The following FLACC1 variants were observed in gnomAD, a reference collection of about 807,000 sequenced individuals.
The protein encoded by FLACC1 is flagellum associated containing coiled-coil domains 1, also known as flagellum-associated coiled-coil domain-containing protein 1.
Under a neutral mutation model 62.8 loss-of-function variants are expected in FLACC1, and 66 were observed. The ratio of observed to expected loss-of-function variants is 1.05; its 90% CI spans 0.86 to 1.29. The LOEUF is 1.29. Ranked by LOEUF, FLACC1 falls within the 50% of genes most tolerant of loss-of-function variation. The pLI is 0.00. For synonymous variants in FLACC1, 156 were observed against 161.0 expected, an observed-to-expected ratio of 0.97 and a Z score of 0.24; for missense variants, 452 against 489.1, an observed-to-expected ratio of 0.92 and a Z score of 0.71.
intron 9 of FLACC1, among the ~76,000 whole-genome samples, chr2:201,323,199 C>T (rs532981417): frequency 6.6e-5 from 10 of 152,210 alleles, no homozygotes; most frequent in South Asian, 2.1e-4. Flanking sequence ...ACCTTTCTGG[C>T]GTGGCTAGAG....
intron 12 of FLACC1, among the ~76,000 whole-genome samples, chr2:201,298,102 A>G (rs1399294959): frequency 2.0e-5 from 3 of 152,096 alleles, no homozygotes; most frequent in Admixed American, 6.5e-5. Flanking sequence ...AGCAGGTGGA[A>G]CAATCCCCAG....
At chr2:201,290,781 C>G (rs931404689) in intron 12 of FLACC1, among the ~76,000 whole-genome samples, 1 of 152,134 alleles carries the variant, frequency 6.6e-6, no homozygotes, top group African/African-American at 2.4e-5. Flanking sequence ...CTTTCCTAGC[C>G]AAGGAAAGGG....
upstream of FLACC1, among the ~76,000 whole-genome samples, chr2:201,361,385 CAGAT>C (rs1168654396): frequency 6.6e-6 from 1 of 152,224 alleles, no homozygotes; most frequent in Non-Finnish European, 1.5e-5. Flanking sequence ...CAAAACCTCT[CAGAT>C]AGCATGAATG....
At chr2:201,344,055 G>T in intron 6 of FLACC1, 115 bp downstream of exon 6, 2 of 836,324 alleles carry the variant, frequency 2.4e-6, no homozygotes, top group Admixed American at 2.4e-5. Context: ...CCTGTCACCT[G>T]GACAACATGG....
intron 1 of FLACC1, among the ~76,000 whole-genome samples, chr2:201,353,174 T>C (rs1456230228): frequency 6.6e-6 from 1 of 152,138 alleles, no homozygotes; most frequent in African/African-American, 2.4e-5. Flanking sequence ...GAAAATAAAA[T>C]GTGCAATTAC....
chr2:201,313,649 G>A (rs1342217896), intron 9 of FLACC1, among the ~76,000 whole-genome samples: 1 of 152,106 alleles, frequency 6.6e-6, no homozygotes, highest in Non-Finnish European at 1.5e-5. Context: ...AAGACAAAGG[G>A]CATATACTCT....
At chr2:201,289,063 A>G (rs189317914) in intron 14 of FLACC1, among the ~76,000 whole-genome samples, 1 of 152,362 alleles carries the variant, frequency 6.6e-6, no homozygotes, top group African/African-American at 2.4e-5. Flanking sequence ...AGGTAACAGT[A>G]CACCTTCTGA....
intron 12 of FLACC1, among the ~76,000 whole-genome samples, chr2:201,290,616 G>C (rs1350330414): frequency 6.6e-6 from 1 of 152,176 alleles, no homozygotes; most frequent in Non-Finnish European, 1.5e-5. Context: ...TGCAGAAGAC[G>C]TATGATTTCT....
chr2:201,317,066 T>C (rs1025424350), intron 9 of FLACC1, among the ~76,000 whole-genome samples: 1 of 152,172 alleles, frequency 6.6e-6, no homozygotes, highest in African/African-American at 2.4e-5. Context: ...ATAAAAGCCA[T>C]CTATGACAAA....
At chr2:201,347,877 C>T (rs1032439905) in intron 4 of FLACC1, among the ~76,000 whole-genome samples, 1 of 152,228 alleles carries the variant, frequency 6.6e-6, no homozygotes, top group African/African-American at 2.4e-5. Flanking sequence ...CCCCTGCTCC[C>T]CTGAGGGGTC....
chr2:201,322,034 T>C (rs1950412664), intron 9 of FLACC1, among the ~76,000 whole-genome samples: 2 of 152,114 alleles, frequency 1.3e-5, no homozygotes, highest in African/African-American at 4.8e-5. Context: ...TTTGGGAGGC[T>C]GAGGCGGGTG....
intron 12 of FLACC1, 196 bp from the exon 13 acceptor site, chr2:201,289,981 C>G: frequency 1.1e-6 from 1 of 883,156 alleles, no homozygotes; most frequent in Non-Finnish European, 1.7e-6. Flanking sequence ...CACCAGAGCT[C>G]ATATGAATGG....
intron 7 of FLACC1, 115 bp downstream of exon 7, chr2:201,342,255 T>G: frequency 9.7e-7 from 1 of 1,026,058 alleles, no homozygotes; most frequent in Non-Finnish European, 1.5e-6. Context: ...CCCCCACCCT[T>G]CATCCCCCAA....
chr2:201,323,784 C>CAAAAAAAAAA (rs71022362), intron 9 of FLACC1, among the ~76,000 whole-genome samples: 1,021 of 52,692 alleles, frequency 0.019, 97 homozygotes, highest in East Asian at 0.063. Flanking sequence ...CAGACTCTAT[C>CAAAAAAAAAA]AAAAAAAAAA....
chr2:201,346,743 T>A lies in FLACC1; in HGVS notation c.235-68A>T, dbSNP rs1022548618. The A allele has an allele frequency of 6.3e-7, 1 of 1,594,892 alleles. No homozygotes were observed. Among genetic ancestry groups the A allele is most frequent in the African/African-American group, 1.3e-5 (1 of 74,588 alleles). ...TGCTGAGATTTTTCCAAATCTTCTCTTATTGCCTCACTCACATCTTAAAAA... is the reference window on the plus strand; with the variant it reads ...TGCTGAGATTTTTCCAAATCTTCTCATATTGCCTCACTCACATCTTAAAAA... On this transcript the variant is annotated intron_variant, in intron 4 of 14. Coordinates refer to ENST00000392257, the MANE Select transcript of FLACC1 (RefSeq NM_001127391.3). The surrounding 1 kb of genome is among the most constrained non-coding windows in gnomAD (Gnocchi z 4.0).
chr2:201,296,709 C>T (rs538529014), intron 12 of FLACC1, among the ~76,000 whole-genome samples: 1 of 152,052 alleles, frequency 6.6e-6, no homozygotes, highest in East Asian at 1.9e-4. Context: ...CAAAGGAACA[C>T]CAATATGGCT....
chr2:201,294,132 A>T (rs1949803201), intron 12 of FLACC1, among the ~76,000 whole-genome samples: 1 of 152,204 alleles, frequency 6.6e-6, no homozygotes, highest in African/African-American at 2.4e-5. Flanking sequence ...AACTATTGCA[A>T]TCAATAGAAA....
intron 9 of FLACC1, among the ~76,000 whole-genome samples, chr2:201,323,044 GA>G (rs1950434359): frequency 6.6e-6 from 1 of 151,796 alleles, no homozygotes; most frequent in Non-Finnish European, 1.5e-5. Flanking sequence ...CAAAAATAAA[GA>G]AAAAAGAATA....
chr2:201,289,639 T>G, intron 13 of FLACC1, 57 bp downstream of exon 13: 2 of 1,611,714 alleles, frequency 1.2e-6, no homozygotes, highest in Non-Finnish European at 1.7e-6. Flanking sequence ...ATGGCAGAGC[T>G]GGATGGAGAC....
Sources: allele counts gnomAD v4.1 joint callset (sites outside exome capture counted in the v4.1 genomes callset), GRCh38; gene constraint gnomAD v4.1.1; non-coding constraint Gnocchi (gnomAD v3.1); transcripts MANE v1.5; gene names NCBI Gene and HGNC (gene_info 2026-07-23, HGNC 2026-07-21).